Variants in HDAC8 observed in about 807,000 individuals in gnomAD.
HDAC8 encodes the protein histone deacetylase-like 1.
A neutral mutation model predicts 32.2 loss-of-function variants in HDAC8; 1 was observed. That is an observed-to-expected ratio of 0.03 (90% CI 0.01 to 0.15). The LOEUF is 0.15. HDAC8 is among the 10% of genes least tolerant of loss of function. The probability of loss-of-function intolerance (pLI) is 1.00; values close to 1 mark genes in which losing one functional copy is unlikely to be tolerated. For missense variants in HDAC8, 117 were observed against 300.0 expected, an observed-to-expected ratio of 0.39 and a Z score of 4.51; for synonymous variants, 108 against 113.9, an observed-to-expected ratio of 0.95 and a Z score of 0.33.
intron 10 of HDAC8, among the ~76,000 whole-genome samples, chrX:72,345,762 C>G (rs1263648008): frequency 9.0e-6 from 1 of 111,434 alleles, no homozygotes; most frequent in Non-Finnish European, 1.9e-5. Context: ...CTCACTGCAG[C>G]CTCAACCTCC....
intron 4 of HDAC8, among the ~76,000 whole-genome samples, chrX:72,532,857 C>T (rs1358646935): frequency 3.6e-5 from 4 of 111,697 alleles, no homozygotes; most frequent in Admixed American, 1.9e-4. Flanking sequence ...AAATCATTTG[C>T]AGCACACAAG....
intron 9 of HDAC8, among the ~76,000 whole-genome samples, chrX:72,361,965 A>C (rs1256613025): frequency 8.9e-6 from 1 of 111,739 alleles, no homozygotes; most frequent in Non-Finnish European, 1.9e-5. Flanking sequence ...AATGACTTTG[A>C]ACTTCCCATT....
At chrX:72,449,017 C>T (rs1350333308) in intron 9 of HDAC8, among the ~76,000 whole-genome samples, 3 of 112,138 alleles carry the variant, frequency 2.7e-5, no homozygotes, top group African/African-American at 9.7e-5. Flanking sequence ...GTGGTGATTC[C>T]TCAAGGATCT....
chrX:72,494,383 T>G (rs2048959701), intron 5 of HDAC8, among the ~76,000 whole-genome samples: 2 of 110,328 alleles, frequency 1.8e-5, no homozygotes, highest in African/African-American at 6.6e-5. Flanking sequence ...AAAAAATCCC[T>G]GGAAACAGGG....
intron 9 of HDAC8, among the ~76,000 whole-genome samples, chrX:72,456,406 AAGAG>A (rs1339329451): frequency 6.8e-4 from 76 of 112,206 alleles, no homozygotes; most frequent in African/African-American, 2.4e-3. Flanking sequence ...AGCACAAAGA[AAGAG>A]AAAGGAAAAA....
At chrX:72,440,350 T>A (rs1257120019) in intron 9 of HDAC8, among the ~76,000 whole-genome samples, 1 of 111,666 alleles carries the variant, frequency 9.0e-6, no homozygotes, top group Admixed American at 9.5e-5. Flanking sequence ...TTTATAGCAC[T>A]AAGTGCCCAC....
chrX:72,415,722 A>C (rs1353387806), intron 9 of HDAC8, among the ~76,000 whole-genome samples: 18 of 112,139 alleles, frequency 1.6e-4, no homozygotes, highest in African/African-American at 5.8e-4. Context: ...TTTGGTTTCC[A>C]TGTGTTTGTT....
intron 4 of HDAC8, among the ~76,000 whole-genome samples, chrX:72,532,553 A>G (rs1287455277): frequency 9.9e-6 from 1 of 100,938 alleles, no homozygotes; most frequent in Non-Finnish European, 2.0e-5. Flanking sequence ...TTATCATAGC[A>G]CGCTGTAACC....
At chrX:72,527,862 G>A (rs186890614) in intron 4 of HDAC8, among the ~76,000 whole-genome samples, 2,080 of 98,278 alleles carry the variant, frequency 0.021, 68 homozygotes, top group African/African-American at 0.076. Context: ...TGCAACCTCC[G>A]CCTCCTGGGT....
intron 10 of HDAC8, among the ~76,000 whole-genome samples, chrX:72,348,261 A>G (rs183029881): frequency 8.8e-4 from 99 of 112,299 alleles, no homozygotes; most frequent in African/African-American, 3.1e-3. Context: ...TCTGTGTCAC[A>G]TCCTACTCTT....
chrX:72,397,038 T>C (rs1258890824), intron 9 of HDAC8, among the ~76,000 whole-genome samples: 2 of 110,787 alleles, frequency 1.8e-5, no homozygotes, highest in African/African-American at 3.3e-5. Context: ...CTTACAATCA[T>C]GGCAGAGGGC....
intron 9 of HDAC8, among the ~76,000 whole-genome samples, chrX:72,440,864 G>GCGCACCAGGACATTATATCC (rs1452319080): frequency 8.9e-6 from 1 of 112,609 alleles, no homozygotes; most frequent in Non-Finnish European, 1.9e-5. Flanking sequence ...TTAAAAAACG[G>GCGCACCAGGACATTATATCC]CGCACCAGGA....
intron 9 of HDAC8, among the ~76,000 whole-genome samples, chrX:72,402,479 A>C (rs1187980285): frequency 9.4e-6 from 1 of 106,349 alleles, no homozygotes; most frequent in Non-Finnish European, 1.9e-5. Flanking sequence ...CTTTGTTTTA[A>C]CATAGGCATT....
intron 7 of HDAC8, among the ~76,000 whole-genome samples, chrX:72,472,912 C>G (rs1286584941): frequency 9.0e-6 from 1 of 110,727 alleles, no homozygotes; most frequent in Non-Finnish European, 1.9e-5. Context: ...ATTCCTTCCT[C>G]TCCACTTCCA....
chrX:72,384,041 T>C (rs1314633628), intron 9 of HDAC8, among the ~76,000 whole-genome samples: 2 of 111,227 alleles, frequency 1.8e-5, no homozygotes, highest in East Asian at 5.7e-4. Flanking sequence ...TAATAACATT[T>C]GATTTTTGGA....
At chrX:72,549,095 C>T (rs781935556) in intron 4 of HDAC8, among the ~76,000 whole-genome samples, 9 of 111,630 alleles carry the variant, frequency 8.1e-5, no homozygotes, top group African/African-American at 2.9e-4. Context: ...TCCCTTGGGG[C>T]CAATATCACT....
intron 7 of HDAC8, among the ~76,000 whole-genome samples, chrX:72,469,639 G>C (rs1486038941): frequency 8.9e-6 from 1 of 112,018 alleles, no homozygotes; most frequent in Non-Finnish European, 1.9e-5. Flanking sequence ...GGAGGAAGCT[G>C]AGAAATCAAG....
At chrX:72,333,135 C>T (rs2043577570) in intron 10 of HDAC8, among the ~76,000 whole-genome samples, 1 of 48,139 alleles carries the variant, frequency 2.1e-5, no homozygotes, top group South Asian at 8.5e-4. Flanking sequence ...GGTATTTCAA[C>T]CCCCTAACCT....
chrX:72,437,413 C>T (rs782797700), intron 9 of HDAC8, among the ~76,000 whole-genome samples: 1 of 111,510 alleles, frequency 9.0e-6, no homozygotes, highest in Non-Finnish European at 1.9e-5. Context: ...ACTGGGCTGC[C>T]GTTTGGGCAG....
Sources: gnomAD v4.1 joint callset for allele counts (sites outside exome capture counted in the v4.1 genomes callset) on GRCh38, gnomAD v4.1.1 for gene constraint, MANE v1.5 for transcripts, NCBI Gene and HGNC (gene_info 2026-07-23, HGNC 2026-07-21) for gene names.